Variants in NEMP2 observed in about 807,000 individuals in gnomAD.
NEMP2 encodes nuclear envelope integral membrane protein 2.
Under a neutral mutation model 54.2 loss-of-function variants are expected in NEMP2, and 53 were observed. The observed-to-expected ratio is 0.98, with a 90% CI of 0.78 to 1.23. NEMP2 has a LOEUF of 1.23. Among genes scored for constraint, NEMP2 ranks in the 50% most tolerant of loss-of-function variants. NEMP2 has a pLI of 0.00. For missense variants in NEMP2, 455 were observed against 511.3 expected (o/e 0.89, Z 1.06); for synonymous variants, 197 against 190.3 (o/e 1.04, Z -0.29).
At chr2:190,645,657 C>A in the NEMP2 span, among the ~76,000 whole-genome samples, 1 of 152,202 alleles carries the variant, frequency 6.6e-6, no homozygotes, top group Non-Finnish European at 1.5e-5. Context: ...GAATATACAG[C>A]AGTGAATAAA....
the NEMP2 span, among the ~76,000 whole-genome samples, chr2:190,496,644 ATGTATATG>A: frequency 1.0e-3 from 154 of 152,130 alleles, no homozygotes; most frequent in African/African-American, 3.4e-3. The surrounding 1 kb of genome is among the most constrained non-coding windows in gnomAD (Gnocchi z 4.7). Flanking sequence ...GTGTATATAT[ATGTATATG>A]TGTATATGTG....
the NEMP2 span, among the ~76,000 whole-genome samples, chr2:190,476,787 A>G: frequency 3.3e-5 from 5 of 152,142 alleles, no homozygotes; most frequent in Admixed American, 3.3e-4. Flanking sequence ...CACAATAGCA[A>G]AGACTTGGAA....
the NEMP2 span, among the ~76,000 whole-genome samples, chr2:190,580,412 T>C: frequency 1.3e-5 from 2 of 152,170 alleles, no homozygotes; most frequent in African/African-American, 4.8e-5. The surrounding 1 kb of genome is among the most constrained non-coding windows in gnomAD (Gnocchi z 5.3). Context: ...TTAGGGTAAA[T>C]GTCAGGGACT....
chr2:190,471,361 T>G, the NEMP2 span, among the ~76,000 whole-genome samples: 1 of 152,160 alleles, frequency 6.6e-6, no homozygotes, highest in Non-Finnish European at 1.5e-5. This position sits in a 1 kb window ranked among gnomAD's most constrained non-coding sequence, Gnocchi z 4.7. Context: ...GGGTGAGAGA[T>G]GGCACCTGGA....
At chr2:190,547,856 TAATAA>T in the NEMP2 span, among the ~76,000 whole-genome samples, 1 of 152,028 alleles carries the variant, frequency 6.6e-6, no homozygotes, top group Admixed American at 6.6e-5. The surrounding 1 kb of genome is among the most constrained non-coding windows in gnomAD (Gnocchi z 6.2). Flanking sequence ...CTTATTCTTA[TAATAA>T]AATAAGAAAA....
chr2:190,566,964 C>A, the NEMP2 span, among the ~76,000 whole-genome samples: 6 of 151,790 alleles, frequency 4.0e-5, no homozygotes, highest in African/African-American at 1.5e-4. Flanking sequence ...CAAAAAAATA[C>A]CATGAGGCAT....
the NEMP2 span, among the ~76,000 whole-genome samples, chr2:190,484,962 A>G: frequency 6.6e-6 from 1 of 152,142 alleles, no homozygotes; most frequent in Non-Finnish European, 1.5e-5. Context: ...TAATTCCCTG[A>G]GTTAATTTAA....
the NEMP2 span, among the ~76,000 whole-genome samples, chr2:190,601,836 T>TA: frequency 9.2e-5 from 14 of 151,974 alleles, no homozygotes; most frequent in East Asian, 1.9e-4. This position sits in a 1 kb window ranked among gnomAD's most constrained non-coding sequence, Gnocchi z 5.8. Flanking sequence ...GCAGTAGAAA[T>TA]AAAAAAAATC....
At chr2:190,452,689 A>G in the NEMP2 span, among the ~76,000 whole-genome samples, 1 of 152,136 alleles carries the variant, frequency 6.6e-6, no homozygotes, top group Non-Finnish European at 1.5e-5. Context: ...GCCTGGTATC[A>G]CTTTTTCAAT....
At chr2:190,434,904 A>T in the NEMP2 span, among the ~76,000 whole-genome samples, 1 of 152,316 alleles carries the variant, frequency 6.6e-6, no homozygotes, top group Admixed American at 6.5e-5. This position sits in a 1 kb window ranked among gnomAD's most constrained non-coding sequence, Gnocchi z 4.3. Context: ...GCATTATCAC[A>T]TGAGCTCTTC....
chr2:190,511,314 G>C (rs756128893), intron 7 of NEMP2, among the ~76,000 whole-genome samples: 29 of 152,056 alleles, frequency 1.9e-4, no homozygotes, highest in African/African-American at 6.3e-4. Flanking sequence ...CTTCCACCTA[G>C]TGGTGGTGAT....
chr2:190,501,484 G>A (rs1690022211), downstream of NEMP2: 1 of 152,184 alleles, frequency 6.6e-6, no homozygotes, highest in Non-Finnish European at 1.5e-5. Flanking sequence ...AGGAAACCTG[G>A]GGGGAGTGTG....
chr2:190,481,486 A>G, the NEMP2 span, among the ~76,000 whole-genome samples: 6 of 152,202 alleles, frequency 3.9e-5, no homozygotes, highest in Admixed American at 1.3e-4. Flanking sequence ...TTTCAGTTCA[A>G]TGTCCTTTTG....
the NEMP2 span, among the ~76,000 whole-genome samples, chr2:190,447,064 G>C: frequency 6.6e-6 from 1 of 151,492 alleles, no homozygotes; most frequent in Non-Finnish European, 1.5e-5. This position sits in a 1 kb window ranked among gnomAD's most constrained non-coding sequence, Gnocchi z 4.5. Context: ...AAAATATGCA[G>C]TCTCTCTCTG....
the NEMP2 span, among the ~76,000 whole-genome samples, chr2:190,595,147 T>A: frequency 1.1e-3 from 164 of 152,120 alleles, 1 homozygote; most frequent in African/African-American, 3.8e-3. The surrounding 1 kb of genome is among the most constrained non-coding windows in gnomAD (Gnocchi z 4.0). Context: ...AAACAAGAAA[T>A]GGGGGAAAGG....
rs1690891377 is a variant in NEMP2, at chr2:190,525,255, G to A, written c.213+8C>T. The stretch of plus-strand genomic sequence containing the variant: ...TCCCTAAGACATGAGTTAAAAGTAG[G>A]CCCTTACCTGCATAGTTGACCATAT... On this transcript the variant is annotated splice_region_variant and intron_variant, in intron 2 of 8. Coordinates refer to ENST00000409150, the MANE Select transcript of NEMP2 (RefSeq NM_001142645.2). This position sits in a 1 kb window ranked among gnomAD's most constrained non-coding sequence, Gnocchi z 5.0. 5.5e-6 allele frequency: 8 copies of A among 1,453,470 alleles called. No individual in the cohort carries two copies. Among genetic ancestry groups the A allele is most frequent in the Non-Finnish European group, 7.6e-6 (8 of 1,058,728 alleles). The allele number at this position is 1,453,470 out of a possible 1,614,324, so 90.0% of individuals were successfully genotyped here. A position where few individuals can be genotyped will look rare whatever the true frequency, so the allele number is the denominator to read the frequency against.
rs567510952 is a variant in NEMP2 at position 190,511,274 on chromosome 2, C to T, written c.954-737G>A. On this transcript the variant is annotated intron_variant, in intron 7 of 8. Coordinates refer to ENST00000409150, the MANE Select transcript of NEMP2 (RefSeq NM_001142645.2). ...AACACTGACCATTTACTCTCCACAC[C>T]AAGAACCTGGGAGGATTTGTGGGAT... Among the ~76,000 whole-genome samples, 6 of 152,190 alleles carry T rather than the reference C, an allele frequency of 3.9e-5. No individual in the cohort carries two copies. In the South Asian group the frequency reaches 1.2e-3, roughly 32 times the overall value.
chr2:190,568,514 T>C, the NEMP2 span, among the ~76,000 whole-genome samples: 1 of 152,212 alleles, frequency 6.6e-6, no homozygotes, highest in East Asian at 1.9e-4. This position sits in a 1 kb window ranked among gnomAD's most constrained non-coding sequence, Gnocchi z 4.7. Flanking sequence ...TTTGTCATTT[T>C]AATTATGTAA....
chr2:190,643,885 C>A, the NEMP2 span, among the ~76,000 whole-genome samples: 3 of 152,052 alleles, frequency 2.0e-5, no homozygotes, highest in Admixed American at 6.6e-5. Flanking sequence ...CATGATTGTG[C>A]CACTGTACTC....
Sources: gnomAD v4.1 joint callset for allele counts (sites outside exome capture counted in the v4.1 genomes callset) on GRCh38, gnomAD v4.1.1 for gene constraint, Gnocchi (gnomAD v3.1) non-coding constraint, MANE v1.5 for transcripts, NCBI Gene and HGNC (gene_info 2026-07-23, HGNC 2026-07-21) for gene names.